EPM2A: variants seen among roughly 807,000 people sequenced by gnomAD.
EPM2A encodes the protein EPM2A glucan phosphatase, laforin, also known as laforin.
Under a neutral mutation model 26.5 loss-of-function variants are expected in EPM2A, and 21 were observed. That is an observed-to-expected ratio of 0.79 (90% CI 0.56 to 1.14). The LOEUF is 1.14. EPM2A is among the 50% of genes most tolerant of loss of function. The pLI, the probability that EPM2A is intolerant of heterozygous loss-of-function variation, is 0.00. For missense variants in EPM2A, 458 were observed against 440.8 expected (o/e 1.04, Z -0.35); for synonymous variants, 217 against 177.6 (o/e 1.22, Z -1.76).
intron 4 of EPM2A, among the ~76,000 whole-genome samples, chr6:145,469,786 A>G (rs1298352836): frequency 6.6e-6 from 1 of 152,142 alleles, no homozygotes; most frequent in Admixed American, 6.6e-5. Flanking sequence ...CCATCAACAG[A>G]TCAATGGATA....
At chr6:145,502,090 A>T (rs1779898206) in intron 3 of EPM2A, among the ~76,000 whole-genome samples, 1 of 152,274 alleles carries the variant, frequency 6.6e-6, no homozygotes, top group Non-Finnish European at 1.5e-5. Flanking sequence ...AACACTCTTA[A>T]GCAAAGAAAC....
At chr6:145,583,872 G>A (rs758947577) in intron 2 of EPM2A, among the ~76,000 whole-genome samples, 1 of 152,258 alleles carries the variant, frequency 6.6e-6, no homozygotes, top group African/African-American at 2.4e-5. Context: ...GCAGGCAGGA[G>A]CACTGGCATC....
intron 4 of EPM2A, among the ~76,000 whole-genome samples, chr6:145,405,434 T>C (rs1778553734): frequency 6.6e-6 from 1 of 152,054 alleles, no homozygotes; most frequent in African/African-American, 2.4e-5. Flanking sequence ...GGACTATAAG[T>C]ACATGAATGA....
At chr6:145,732,202 TGTG>T (rs1296510581) in intron 1 of EPM2A, among the ~76,000 whole-genome samples, 1 of 26,672 alleles carries the variant, frequency 3.7e-5, no homozygotes, top group Non-Finnish European at 7.2e-5. Context: ...AGCTAAGACT[TGTG>T]TGTGTGTGTG....
intron 1 of EPM2A, among the ~76,000 whole-genome samples, chr6:145,695,620 G>A (rs533095734): frequency 6.6e-6 from 1 of 151,994 alleles, no homozygotes; most frequent in African/African-American, 2.4e-5. Context: ...CATGCAAATG[G>A]AAGCCAAAAG....
rs984493929 is a variant in EPM2A at position 145,419,184 on chromosome 6, C to G, written c.556-35087G>C. Among the ~76,000 whole-genome samples, 8 of 148,416 alleles carry G rather than the reference C, an allele frequency of 5.4e-5. 1 individual carries two copies. Among genetic ancestry groups the G allele is most frequent in the South Asian group, 4.5e-4 (2 of 4,446 alleles). On this transcript the variant is annotated intron_variant, in intron 4 of 4. Transcript: ENST00000638717. ...CCAAGCAAATTCTGTTAAATGTCCC[C>G]CCCCCCCGCTCCTTTCCCCAGCAGC...
At chr6:145,523,671 C>A (rs1037479243) in intron 2 of EPM2A, among the ~76,000 whole-genome samples, 1 of 152,162 alleles carries the variant, frequency 6.6e-6, no homozygotes, top group African/African-American at 2.4e-5. Flanking sequence ...CCTTCCTATT[C>A]CCTGAAACAC....
intron 4 of EPM2A, among the ~76,000 whole-genome samples, chr6:145,417,163 A>T (rs933540969): frequency 6.6e-6 from 1 of 152,210 alleles, no homozygotes; most frequent in African/African-American, 2.4e-5. Flanking sequence ...CAGAGGTTTT[A>T]GTTGCTCTTC....
At chr6:145,531,455 G>A (rs915140756) in intron 2 of EPM2A, among the ~76,000 whole-genome samples, 1 of 152,118 alleles carries the variant, frequency 6.6e-6, no homozygotes, top group African/African-American at 2.4e-5. Context: ...AAATTCAGAT[G>A]ACAAATTTCA....
chr6:145,407,225 C>T (rs1778581206), intron 4 of EPM2A, among the ~76,000 whole-genome samples: 1 of 151,990 alleles, frequency 6.6e-6, no homozygotes, highest in African/African-American at 2.4e-5. Flanking sequence ...TATATATGGC[C>T]ATGATATATG....
chr6:145,425,239 T>C (rs548813653), intron 4 of EPM2A, among the ~76,000 whole-genome samples: 5 of 152,078 alleles, frequency 3.3e-5, no homozygotes, highest in South Asian at 2.1e-4. Context: ...AGTGGCGTGA[T>C]CTCGGCTCAC....
At chr6:145,625,181 G>A (rs187999041), downstream of EPM2A, 279 of 153,212 alleles carry the variant, frequency 1.8e-3, 2 homozygotes, top group Non-Finnish European at 3.2e-3. Flanking sequence ...GAAAGAGGAA[G>A]AGTGACAAGA....
chr6:145,650,429 G>A (rs1400621844), intron 2 of EPM2A, among the ~76,000 whole-genome samples: 1 of 151,870 alleles, frequency 6.6e-6, no homozygotes, highest in Non-Finnish European at 1.5e-5. Flanking sequence ...GCACATGCGG[G>A]TAATCCCAGC....
chr6:145,404,692 A>G lies in EPM2A; in HGVS notation c.556-20595T>C, dbSNP rs552323753. On this transcript the variant is annotated intron_variant, in intron 4 of 4. Transcript: ENST00000638717. ...TAAAATAGGCTCAACAACATTGTCA[A>G]TCCTGAAAATCCAAAAGAGTAATTG... 7.2e-5 allele frequency among the ~76,000 whole-genome samples: 11 copies of G among 152,210 alleles called. No homozygotes were observed. In the South Asian group the frequency reaches 1.0e-3, roughly 14 times the overall value.
chr6:145,684,979 C>T (rs1268698170), intron 2 of EPM2A: 1 of 152,108 alleles, frequency 6.6e-6, no homozygotes, highest in Non-Finnish European at 1.5e-5. Context: ...CTCTCTTTTA[C>T]CTCTCACAAC....
At chr6:145,605,184 T>C (rs1364787688) in intron 2 of EPM2A, among the ~76,000 whole-genome samples, 1 of 152,182 alleles carries the variant, frequency 6.6e-6, no homozygotes, top group Non-Finnish European at 1.5e-5. Flanking sequence ...TTGTATTTTA[T>C]TTTCCTTTGA....
At chr6:145,715,259 C>T (rs530051467) in intron 1 of EPM2A, among the ~76,000 whole-genome samples, 1 of 152,242 alleles carries the variant, frequency 6.6e-6, no homozygotes, top group African/African-American at 2.4e-5. Flanking sequence ...ACCCACCAGA[C>T]AGGACACCCT....
intron 2 of EPM2A, among the ~76,000 whole-genome samples, chr6:145,536,020 T>C (rs765338141): frequency 2.0e-4 from 31 of 152,226 alleles, no homozygotes; most frequent in Admixed American, 1.2e-3. Flanking sequence ...ATTGCTAAAG[T>C]CAGTAATGTT....
At chr6:145,622,187 TAAC>T (rs1324240030), downstream of EPM2A, among the ~76,000 whole-genome samples, 3 of 152,186 alleles carry the variant, frequency 2.0e-5, no homozygotes, top group Non-Finnish European at 4.4e-5. Context: ...ATGCCTGATA[TAAC>T]AACAGTACAG....
Sources: gnomAD v4.1 joint callset for allele counts (sites outside exome capture counted in the v4.1 genomes callset) on GRCh38, gnomAD v4.1.1 for gene constraint, MANE v1.5 for transcripts, NCBI Gene and HGNC (gene_info 2026-07-23, HGNC 2026-07-21) for gene names.